QRICH2: variants seen among roughly 807,000 people sequenced by gnomAD.
The protein encoded by QRICH2 is glutamine-rich protein 2.
QRICH2 carries 119 observed loss-of-function variants against 168.3 expected under a neutral mutation model. The ratio of observed to expected loss-of-function variants is 0.71; its 90% CI spans 0.61 to 0.82. The LOEUF is 0.82. QRICH2 is among the 40% of genes least tolerant of loss of function. The pLI is 0.00. For synonymous variants in QRICH2, 894 were observed against 951.2 expected (o/e 0.94, Z 1.11); for missense variants, 2,241 against 2,491.6 (o/e 0.90, Z 2.14).
At position 76,277,920 on chromosome 17, in the gene QRICH2, G is replaced by A. The variant is rs567973556; in HGVS notation, c.5117+69C>T. The stretch of plus-strand genomic sequence containing the variant: ...AGTGGGGCAAGGCATTTGCACAGCC[G>A]TGCACGAGCAGAAGCCAAGCCTGGT... On this transcript the variant is annotated intron_variant, in intron 15 of 18. Transcript: ENST00000680821. The A allele has an allele frequency of 2.9e-5, 44 of 1,531,666 alleles. No homozygotes were observed. The African/African-American group carries it at 3.7e-4, about 13-fold the overall frequency. 94.9% of individuals were successfully genotyped at this position (1,531,666 alleles called of 1,614,324 possible). A position where few individuals can be genotyped will look rare whatever the true frequency, so the allele number is the denominator to read the frequency against.
intron 3 of QRICH2, among the ~76,000 whole-genome samples, chr17:76,301,703 ATTTT>A (rs370779519): frequency 8.2e-6 from 1 of 121,742 alleles, no homozygotes; most frequent in African/African-American, 3.4e-5. Context: ...GTGTTTTATA[ATTTT>A]TTTTTTTTTT....
intron 3 of QRICH2, among the ~76,000 whole-genome samples, chr17:76,298,073 T>C (rs990769621): frequency 2.0e-5 from 3 of 151,632 alleles, no homozygotes; most frequent in Non-Finnish European, 4.4e-5. Flanking sequence ...GGTTTCACCA[T>C]GTAGGCCAGG....
chr17:76,293,720 T>C lies in QRICH2; in HGVS notation c.1007A>G (p.Lys336Arg), dbSNP rs2071057368. Residue 336 changes from lysine (K) to arginine (R), a missense_variant, in exon 4 of 19, where the codon AAA becomes AGA. Coordinates refer to ENST00000680821, the MANE Select transcript of QRICH2 (RefSeq NM_001388453.1). ...ACTCCTGTGACGATCTGAGTCTGAT[T>C]TGAATTGGAATGTAGAAGACTGATG... ...RLHQSSTFQFKSDSDRHRSRE... is the reference protein window; with the variant it reads ...RLHQSSTFQFRSDSDRHRSRE... 1 of 1,614,140 alleles carries C rather than the reference T, an allele frequency of 6.2e-7. No individual in the cohort carries two copies. Among genetic ancestry groups the C allele is most frequent in the Non-Finnish European group, 8.5e-7 (1 of 1,180,034 alleles).
chr17:76,308,027 CGGGGCGCCG>C lies in QRICH2; in HGVS notation c.-38_-30del. ...GGCTGTCAGGAGCTGTGCGCCGCCG[CGGGGCGCCG>C]GCCAACCACTTCCCGCTCACTGCAC... On this transcript the variant is annotated 5_prime_UTR_variant, in exon 1 of 19. Transcript: ENST00000680821. 3 of 1,231,678 alleles carry C rather than the reference CGGGGCGCCG, an allele frequency of 2.4e-6. No homozygotes were observed. Among genetic ancestry groups the C allele is most frequent in the Non-Finnish European group, 2.0e-6 (2 of 987,626 alleles). The allele number at this position is 1,231,678 out of a possible 1,614,324, so 76.3% of individuals were successfully genotyped here. A position where few individuals can be genotyped will look rare whatever the true frequency, so the allele number is the denominator to read the frequency against.
chr17:76,292,984 C>T lies in QRICH2; in HGVS notation c.1743G>A (p.Val581=). Reference sequence around the variant, plus strand: ...AGCCAGGCTGATATGCACCACGCTGCACCAAAGCACGCTGAAATCTGCCAG... The same window carrying T: ...AGCCAGGCTGATATGCACCACGCTGTACCAAAGCACGCTGAAATCTGCCAG... ...IQSGRFQRAL[V]QRGAYQPGLV... Residue 581 remains valine, a synonymous_variant, in exon 4 of 19, where the codon GTG becomes GTA. Coordinates refer to ENST00000680821, the MANE Select transcript of QRICH2 (RefSeq NM_001388453.1). 6.2e-7 allele frequency: 1 copy of T among 1,614,188 alleles called. No homozygotes were observed. Among genetic ancestry groups the T allele is most frequent in the Non-Finnish European group, 8.5e-7 (1 of 1,180,048 alleles).
At position 76,274,100 on chromosome 17, in the gene QRICH2, C is replaced by G; in HGVS notation, c.5643G>C (p.Pro1881=). ...CCGCTCACTGAGCGGTGCTGGACCG[C>G]GGCCCCCGCGTGGGCTCCTCGAGCC... ...GEGLEEPTRG[P]RSSTAQ is the part of the protein sequence containing the mutation. Residue 1881 remains proline (P), a synonymous_variant, in exon 19 of 19, where the codon CCG becomes CCC. Transcript: ENST00000680821. 6.3e-7 allele frequency: 1 copy of G among 1,580,180 alleles called. No individual in the cohort carries two copies. Among genetic ancestry groups the G allele is most frequent in the Non-Finnish European group, 8.6e-7 (1 of 1,167,916 alleles).
intron 15 of QRICH2, 31 bp from the exon 16 acceptor site, chr17:76,277,341 A>C: frequency 6.2e-7 from 1 of 1,602,606 alleles, no homozygotes; most frequent in Non-Finnish European, 8.5e-7. Flanking sequence ...AGTCATTGGG[A>C]GCAGACCACC....
Position 76,302,655 on chromosome 17 carries a change from C to A in QRICH2, c.705+1760G>T, listed in dbSNP as rs970443804. On this transcript the variant is annotated intron_variant, in intron 3 of 18. Transcript: ENST00000680821. ...AATGACCAGGAAATGGATTCTCCCC[C>A]CAGAGCTGCCAGAGGAAACCAGCCC... Among the ~76,000 whole-genome samples the A allele has an allele frequency of 6.6e-5, 10 of 152,266 alleles. No homozygotes were observed. The East Asian group carries it at 1.9e-3, about 29-fold the overall frequency.
chr17:76,297,868 C>CTTT (rs1344325680), intron 3 of QRICH2, among the ~76,000 whole-genome samples: 1 of 95,974 alleles, frequency 1.0e-5, no homozygotes, highest in Admixed American at 1.3e-4. Context: ...ACTTAGGAAT[C>CTTT]TGTTTTTTTT....
Position 76,307,770 on chromosome 17 carries a change from T to C in QRICH2, c.229A>G (p.Lys77Glu), listed in dbSNP as rs1262937605. 1.4e-5 allele frequency: 19 copies of C among 1,385,082 alleles called. No homozygotes were observed. The Admixed American group carries it at 1.7e-4, about 12-fold the overall frequency. The allele number at this position is 1,385,082 out of a possible 1,614,324, so 85.8% of individuals were successfully genotyped here. The part of the protein sequence containing the change: ...SFSIPHLPAP[K>E]EVPKGAPREK... ...CGGGGCGCCCCCTTGGGCACCTCCT[T>C]GGGCGCGGGCAGGTGCGGGATGCTG... is the stretch of plus-strand genomic sequence containing the variant. Residue 77 changes from lysine (K) to glutamate (E), a missense_variant, in exon 1 of 19, where the codon AAG (lysine) becomes GAG (glutamate). Lys to Glu is a moderately conservative substitution (Grantham distance 56, BLOSUM62 1). Transcript: ENST00000680821. The surrounding 1 kb of genome is among the most constrained non-coding windows in gnomAD (Gnocchi z 5.3).
At chr17:76,296,787 A>T (rs892409403) in intron 3 of QRICH2, among the ~76,000 whole-genome samples, 4 of 151,660 alleles carry the variant, frequency 2.6e-5, no homozygotes, top group African/African-American at 9.7e-5. Context: ...CAAAAAAAAA[A>T]AAAAAAAAAA....
At chr17:76,276,510 T>C (rs2070682296) in intron 17 of QRICH2, among the ~76,000 whole-genome samples, 170 bp downstream of exon 17, 1 of 152,220 alleles carries the variant, frequency 6.6e-6, no homozygotes, top group Admixed American at 6.5e-5. Context: ...GTCCTCCACC[T>C]GTGAACATTT....
Position 76,292,235 on chromosome 17 carries a change from A to C in QRICH2, c.2492T>G (p.Leu831Trp). 1 of 1,607,362 alleles carries C rather than the reference A, an allele frequency of 6.2e-7. No individual in the cohort carries two copies. The highest frequency in any genetic ancestry group is 8.5e-7 in the Non-Finnish European group (1 of 1,178,608). ...ACGCTGAACTGCACCAGGTTGAACC[A>C]AACCACGCTGATCCACTCCAGGTTG... ...LVQPGVDQRG[L>W]VQPGAVQRGL... Residue 831 changes from leucine (L) to tryptophan (W), a missense_variant, in exon 4 of 19, where the codon TTG becomes TGG. Physicochemically the swap from Leu to Trp is moderately conservative, Grantham distance 61. Around this residue, in one of 3 missense-constraint regions of QRICH2, gnomAD observed 2,047 missense variants for 2,303.8 expected, o/e 0.89. Transcript: ENST00000680821.
chr17:76,306,848 C>T (rs1464634261), intron 1 of QRICH2, among the ~76,000 whole-genome samples: 2 of 151,782 alleles, frequency 1.3e-5, no homozygotes, highest in East Asian at 3.9e-4. Flanking sequence ...GACTGCACCA[C>T]TGCATTTCAG....
At position 76,281,849 on chromosome 17, in the gene QRICH2, C is replaced by G. The variant is rs11867478; in HGVS notation, c.4263+15G>C. The G allele has an allele frequency of 6.2e-7, 1 of 1,607,246 alleles. No homozygotes were observed. Among genetic ancestry groups the G allele is most frequent in the East Asian group, 2.2e-5 (1 of 44,674 alleles). ...ATGTCCAGTTGCAGCAGGAGGGAGG[C>G]GAGCAGAGCCCCACCTGTCTCTGGA... On this transcript the variant is annotated intron_variant, in intron 8 of 18. Transcript: ENST00000680821. This position sits in a 1 kb window ranked among gnomAD's most constrained non-coding sequence, Gnocchi z 4.4.
In QRICH2 at chr17:76,280,362, C is replaced by G. The variant is rs1286455101; in HGVS notation, c.4551G>C (p.Leu1517=). The part of the protein sequence containing the change: ...TEQLNHMMQE[L]VAKMSGQEQD... ...GCTCCTGCCCGCTCATCTTGGCCACCAGCTCCTGCATCATGTGGTTCAGCT... is the reference window on the plus strand; with the variant it reads ...GCTCCTGCCCGCTCATCTTGGCCACGAGCTCCTGCATCATGTGGTTCAGCT... Residue 1517 remains leucine (L), a synonymous_variant, in exon 11 of 19, where the codon CTG becomes CTC. Transcript: ENST00000680821. This position sits in a 1 kb window ranked among gnomAD's most constrained non-coding sequence, Gnocchi z 7.4. The G allele has an allele frequency of 1.9e-6, 3 of 1,614,102 alleles. No homozygotes were observed. The African/African-American group carries it at 4.0e-5, about 22-fold the overall frequency.
chr17:76,296,140 T>C (rs2070789292), intron 3 of QRICH2, among the ~76,000 whole-genome samples: 1 of 151,934 alleles, frequency 6.6e-6, no homozygotes, highest in Non-Finnish European at 1.5e-5. Context: ...GGAGAATTGC[T>C]TGAACCCAGA....
At position 76,277,687 on chromosome 17, in the gene QRICH2, C is replaced by G. The variant is rs568987256; in HGVS notation, c.5117+302G>C. On this transcript the variant is annotated intron_variant, in intron 15 of 18. Coordinates refer to ENST00000680821, the MANE Select transcript of QRICH2 (RefSeq NM_001388453.1). ...ACACACACACACGTACTCATACACA[C>G]GTACTCATACATGCACACACATACT... Among the ~76,000 whole-genome samples, 5 of 152,056 alleles carry G rather than the reference C, an allele frequency of 3.3e-5. No individual in the cohort carries two copies. In the South Asian group the frequency reaches 1.0e-3, roughly 32 times the overall value.
rs943169376 is a variant in QRICH2, at chr17:76,274,078, C to G, written c.*1G>C. The G allele has an allele frequency of 1.9e-6, 3 of 1,546,332 alleles. No individual in the cohort carries two copies. The highest frequency in any genetic ancestry group is 2.6e-6 in the Non-Finnish European group (3 of 1,152,748). ...TCCTGAATGTTTATTTACACCTCCG[C>G]TCACTGAGCGGTGCTGGACCGCGGC... On this transcript the variant is annotated 3_prime_UTR_variant, in exon 19 of 19. Coordinates refer to ENST00000680821, the MANE Select transcript of QRICH2 (RefSeq NM_001388453.1).
Sources: gnomAD v4.1 joint callset for allele counts (sites outside exome capture counted in the v4.1 genomes callset) on GRCh38, gnomAD v4.1.1 for gene constraint, gnomAD v4.1.1 regional missense constraint, Gnocchi (gnomAD v3.1) non-coding constraint, MANE v1.5 for transcripts, NCBI Gene and HGNC (gene_info 2026-07-23, HGNC 2026-07-21) for gene names.